The following INTS2 variants were observed in gnomAD, a reference collection of about 807,000 sequenced individuals.
INTS2 encodes the protein integrator complex subunit 2.
INTS2 carries 57 observed loss-of-function variants against 139.6 expected under a neutral mutation model. The ratio of observed to expected loss-of-function variants is 0.41; its 90% CI spans 0.33 to 0.51. INTS2 has a LOEUF of 0.51. Ranked by LOEUF, INTS2 falls within the 20% of genes least tolerant of loss-of-function variation. The pLI is 0.28. For missense variants in INTS2, 1,196 were observed against 1,436.7 expected (o/e 0.83, Z 2.71); for synonymous variants, 473 against 493.4 (o/e 0.96, Z 0.55).
At position 61,927,961 on chromosome 17, in the gene INTS2, C is replaced by T. The variant is rs749509515; in HGVS notation, c.-326G>A. 1 of 1,613,906 alleles carries T rather than the reference C, an allele frequency of 6.2e-7. No homozygotes were observed. The highest frequency in any genetic ancestry group is 1.7e-5 in the Admixed American group (1 of 60,018). On this transcript the variant is annotated 5_prime_UTR_variant, in exon 1 of 25. Transcript: ENST00000251334. ...TTCATTCATCCCCAGCGTCTGACTC[C>T]CGTCGGCCACCGTACTGGTCTGAGA...
At chr17:61,894,424 T>A (rs988633448) in intron 12 of INTS2, among the ~76,000 whole-genome samples, 1 of 152,216 alleles carries the variant, frequency 6.6e-6, no homozygotes, top group Non-Finnish European at 1.5e-5. Context: ...TGGTTCAAAT[T>A]TAAAGACAAA....
chr17:61,870,985 A>T lies in INTS2; in HGVS notation c.2779-997T>A, dbSNP rs1003607304. On this transcript the variant is annotated intron_variant, in intron 20 of 24. Coordinates refer to ENST00000251334, the MANE Select transcript of INTS2 (RefSeq NM_001351695.2). This position sits in a 1 kb window ranked among gnomAD's most constrained non-coding sequence, Gnocchi z 4.4. ...CTCATAGGTAGGTTATAAAAATTAA[A>T]TGAGCTAATATATTTAAAGAACTTA... Among the ~76,000 whole-genome samples the T allele has an allele frequency of 1.3e-5, 2 of 152,236 alleles. No homozygotes were observed. The highest frequency in any genetic ancestry group is 2.9e-5 in the Non-Finnish European group (2 of 68,036).
intron 2 of INTS2, 116 bp from the exon 3 acceptor site, chr17:61,925,215 TTC>T: frequency 1.1e-6 from 1 of 947,304 alleles, no homozygotes; most frequent in Middle Eastern, 2.2e-4. Context: ...TTCTAAAATG[TTC>T]TGTTACTTCT....
At position 61,875,111 on chromosome 17, in the gene INTS2, A is replaced by G. The variant is rs762716111; in HGVS notation, c.2457-73T>C. 8.8e-7 allele frequency: 1 copy of G among 1,130,550 alleles called. No homozygotes were observed. The highest frequency in any genetic ancestry group is 3.4e-5 in the Admixed American group (1 of 28,986). The allele number at this position is 1,130,550 out of a possible 1,614,324, so 70.0% of individuals were successfully genotyped here. A position where few individuals can be genotyped will look rare whatever the true frequency, so the allele number is the denominator to read the frequency against. On this transcript the variant is annotated intron_variant, in intron 18 of 24. Coordinates refer to ENST00000251334, the MANE Select transcript of INTS2 (RefSeq NM_001351695.2). This position sits in a 1 kb window ranked among gnomAD's most constrained non-coding sequence, Gnocchi z 4.6. The stretch of plus-strand genomic sequence containing the variant: ...AATCTGTAGCCATCCAGTCCTTTCT[A>G]TCTTAGAAAGTTATATTCAGTAAAT...
In INTS2 at chr17:61,869,166, T is replaced by C; in HGVS notation, c.3139-27A>G. ...TGCAATACAAAATCCAGTTATTACA[T>C]GTTTCTCAAGAATATCTTTAGGTAT... On this transcript the variant is annotated intron_variant, in intron 22 of 24. Coordinates refer to ENST00000251334, the MANE Select transcript of INTS2 (RefSeq NM_001351695.2). The surrounding 1 kb of genome is among the most constrained non-coding windows in gnomAD (Gnocchi z 5.4). 6.6e-7 allele frequency: 1 copy of C among 1,520,442 alleles called. No individual in the cohort carries two copies. The highest frequency in any genetic ancestry group is 1.1e-5 in the South Asian group (1 of 87,894). The allele number at this position is 1,520,442 out of a possible 1,614,324, so 94.2% of individuals were successfully genotyped here.
chr17:61,900,753 T>A (rs925999315), intron 9 of INTS2, among the ~76,000 whole-genome samples: 2 of 151,558 alleles, frequency 1.3e-5, no homozygotes, highest in African/African-American at 4.9e-5. Context: ...AGGTCAGGAG[T>A]TCGAGACCAG....
Position 61,897,861 on chromosome 17 carries a change from T to C in INTS2, c.1308-122A>G. 1.4e-6 allele frequency: 1 copy of C among 719,518 alleles called. No homozygotes were observed. Among genetic ancestry groups the C allele is most frequent in the Non-Finnish European group, 2.3e-6 (1 of 429,220 alleles). 44.6% of individuals were successfully genotyped at this position (719,518 alleles called of 1,614,324 possible). On this transcript the variant is annotated intron_variant, in intron 9 of 24. Transcript: ENST00000251334. This position sits in a 1 kb window ranked among gnomAD's most constrained non-coding sequence, Gnocchi z 4.4. ...TCCTGCCCTATTTTCAAGTATCAAG[T>C]CAAATTAAAGGCTTGCTGAATTGGG...
At chr17:61,874,797 C>A in intron 19 of INTS2, 116 bp downstream of exon 19, 1 of 736,408 alleles carries the variant, frequency 1.4e-6, no homozygotes, top group Non-Finnish European at 1.9e-6. Context: ...ACAGGTCACA[C>A]TGCCTACTTA....
rs1282735816 is a variant in INTS2 at position 61,893,772 on chromosome 17, G to A, written c.1691C>T (p.Ser564Leu). Residue 564 changes from serine to leucine, a missense_variant, in exon 13 of 25, where the codon TCA (serine) becomes TTA (leucine). Physicochemically the swap from Ser to Leu is moderately radical, Grantham distance 145. Coordinates refer to ENST00000251334, the MANE Select transcript of INTS2 (RefSeq NM_001351695.2). The surrounding 1 kb of genome is among the most constrained non-coding windows in gnomAD (Gnocchi z 5.4). ...TTATTTGTAGGGGCATACTTTTATTGACACTTTGTGCTTGGTAAAGGAACG... is the reference window on the plus strand; with the variant it reads ...TTATTTGTAGGGGCATACTTTTATTAACACTTTGTGCTTGGTAAAGGAACG... ...RSRSFTKHKV[S>L]IKDWIYRQLC... The A allele has an allele frequency of 1.3e-6, 2 of 1,581,262 alleles. No individual in the cohort carries two copies. The highest frequency in any genetic ancestry group is 1.7e-5 in the Admixed American group (1 of 57,512).
chr17:61,887,620 T>C (rs1056075020), intron 15 of INTS2, among the ~76,000 whole-genome samples: 2 of 152,152 alleles, frequency 1.3e-5, no homozygotes, highest in Non-Finnish European at 2.9e-5. Flanking sequence ...ATAATTCTTA[T>C]CAAAATCCCA....
chr17:61,911,128 G>T (rs1164494961), intron 7 of INTS2: 6 of 231,242 alleles, frequency 2.6e-5, no homozygotes, highest in Non-Finnish European at 5.0e-5. Flanking sequence ...TGTTGCCCAG[G>T]CTAAAGTACA....
In INTS2 at chr17:61,904,407, G is replaced by C. The variant is rs1479135283; in HGVS notation, c.1307+53C>G. The C allele has an allele frequency of 3.2e-6, 4 of 1,269,616 alleles. No individual in the cohort carries two copies. The Admixed American group carries it at 6.5e-5, about 21-fold the overall frequency. 78.6% of individuals were successfully genotyped at this position (1,269,616 alleles called of 1,614,324 possible). A position where few individuals can be genotyped will look rare whatever the true frequency, so the allele number is the denominator to read the frequency against. On this transcript the variant is annotated intron_variant, in intron 9 of 24. Coordinates refer to ENST00000251334, the MANE Select transcript of INTS2 (RefSeq NM_001351695.2). ...TTATCTAATGCTATACAATTTTATT[G>C]AGTAAATAAAAGTAAACCTTGAGAA...
At chr17:61,883,201 A>G (rs2079193176) in intron 16 of INTS2, among the ~76,000 whole-genome samples, 1 of 152,114 alleles carries the variant, frequency 6.6e-6, no homozygotes, top group Non-Finnish European at 1.5e-5. Flanking sequence ...TAAAAATAAC[A>G]TTATTTTCTG....
intron 15 of INTS2, among the ~76,000 whole-genome samples, chr17:61,888,234 GTGGT>G (rs2079249545): frequency 6.6e-6 from 1 of 151,910 alleles, no homozygotes; most frequent in Non-Finnish European, 1.5e-5. Context: ...GCCAGGCATG[GTGGT>G]GTCCACCTGT....
intron 9 of INTS2, among the ~76,000 whole-genome samples, chr17:61,903,174 G>GAAAAAAAAAAAAA (rs551514700): frequency 1.7e-5 from 1 of 59,960 alleles, no homozygotes; most frequent in Non-Finnish European, 3.4e-5. Flanking sequence ...CTCAAAAAAG[G>GAAAAAAAAAAAAA]AAAAAAAAAA....
At position 61,909,804 on chromosome 17, in the gene INTS2, T is replaced by A. The variant is rs779340183; in HGVS notation, c.954+1716A>T. Among the ~76,000 whole-genome samples the A allele has an allele frequency of 7.3e-6, 1 of 136,958 alleles. No homozygotes were observed. Among genetic ancestry groups the A allele is most frequent in the Admixed American group, 7.8e-5 (1 of 12,792 alleles). 89.8% of individuals were successfully genotyped at this position (136,958 alleles called of 152,430 possible). The stretch of plus-strand genomic sequence containing the variant: ...TTGTGTGTGTGTATACATATATACG[T>A]GTGTGTGTACATGTGTGTATGTGTG... On this transcript the variant is annotated intron_variant, in intron 7 of 24. Transcript: ENST00000251334. The surrounding 1 kb of genome is among the most constrained non-coding windows in gnomAD (Gnocchi z 4.9).
rs1482275086 is a variant in INTS2, at chr17:61,876,759, T to C, written c.2456+1128A>G. ...CACCCAGCCAAAAAAATGTTAATGA[T>C]ACATTATCTGATGTGTTATGATTAA... On this transcript the variant is annotated intron_variant, in intron 18 of 24. Transcript: ENST00000251334. This position sits in a 1 kb window ranked among gnomAD's most constrained non-coding sequence, Gnocchi z 4.1. Among the ~76,000 whole-genome samples, 1 of 152,166 alleles carries C rather than the reference T, an allele frequency of 6.6e-6. No individual in the cohort carries two copies. Among genetic ancestry groups the C allele is most frequent in the Non-Finnish European group, 1.5e-5 (1 of 68,030 alleles).
Position 61,897,451 on chromosome 17 carries a change from A to G in INTS2, c.1494+18T>C, listed in dbSNP as rs1168107399. On this transcript the variant is annotated intron_variant, in intron 11 of 24. Coordinates refer to ENST00000251334, the MANE Select transcript of INTS2 (RefSeq NM_001351695.2). The surrounding 1 kb of genome is among the most constrained non-coding windows in gnomAD (Gnocchi z 4.4). ...GAAACACCTTTTTTTTTTTAGAAAG[A>G]AGTTAAAAGAAAATTACCTTCATCC... is the stretch of plus-strand genomic sequence containing the variant. The G allele has an allele frequency of 1.4e-6, 2 of 1,414,070 alleles. No individual in the cohort carries two copies. Among genetic ancestry groups the G allele is most frequent in the Non-Finnish European group, 1.9e-6 (2 of 1,041,350 alleles). 87.6% of individuals were successfully genotyped at this position (1,414,070 alleles called of 1,614,324 possible). A position where few individuals can be genotyped will look rare whatever the true frequency, so the allele number is the denominator to read the frequency against.
chr17:61,885,979 T>A (rs1193681116), intron 15 of INTS2, among the ~76,000 whole-genome samples: 1 of 150,260 alleles, frequency 6.7e-6, no homozygotes, highest in Non-Finnish European at 1.5e-5. Context: ...CCACCCGCCT[T>A]GGCCTCCCAA....
Sources: allele counts gnomAD v4.1 joint callset (sites outside exome capture counted in the v4.1 genomes callset), GRCh38; gene constraint gnomAD v4.1.1; non-coding constraint Gnocchi (gnomAD v3.1); transcripts MANE v1.5; gene names NCBI Gene and HGNC (gene_info 2026-07-23, HGNC 2026-07-21).